KCTD16: variants seen among roughly 807,000 people sequenced by gnomAD.
KCTD16 encodes potassium channel tetramerization domain containing 16.
A neutral mutation model predicts 33.2 loss-of-function variants in KCTD16; 13 were observed. That is an observed-to-expected ratio of 0.39 (90% CI 0.25 to 0.62). KCTD16 has a LOEUF of 0.62. Among genes scored for constraint, KCTD16 ranks in the 20% least tolerant of loss-of-function variants. KCTD16 has a pLI of 0.50. For missense variants in KCTD16, 441 were observed against 525.1 expected (o/e 0.84, Z 1.57); for synonymous variants, 197 against 195.3 (o/e 1.01, Z -0.07).
chr5:144,354,089 G>A (rs1751513912), intron 3 of KCTD16, among the ~76,000 whole-genome samples: 1 of 152,024 alleles, frequency 6.6e-6, no homozygotes, highest in African/African-American at 2.4e-5. Flanking sequence ...ATTGAGAAAT[G>A]ATCTGCCTGC....
intron 3 of KCTD16, among the ~76,000 whole-genome samples, chr5:144,439,892 T>C (rs1753663364): frequency 6.6e-6 from 1 of 152,178 alleles, no homozygotes; most frequent in East Asian, 1.9e-4. Context: ...CTTTCCATAT[T>C]ATTCAAGAAG....
intron 1 of KCTD16, among the ~76,000 whole-genome samples, chr5:144,172,872 T>C (rs767453512): frequency 2.6e-5 from 4 of 152,234 alleles, no homozygotes; most frequent in Non-Finnish European, 5.9e-5. Flanking sequence ...AAAAAAATTC[T>C]AGTCTCTTTT....
At chr5:144,293,398 C>T (rs1438686570) in intron 3 of KCTD16, among the ~76,000 whole-genome samples, 1 of 152,130 alleles carries the variant, frequency 6.6e-6, no homozygotes, top group Non-Finnish European at 1.5e-5. Context: ...TTTAATGGTC[C>T]ATGTTCATTG....
At chr5:144,412,535 G>T (rs1280609259) in intron 3 of KCTD16, among the ~76,000 whole-genome samples, 1 of 152,124 alleles carries the variant, frequency 6.6e-6, no homozygotes, top group Non-Finnish European at 1.5e-5. Flanking sequence ...AGGGGGAGGG[G>T]ATATAAAGAG....
chr5:144,421,730 A>G (rs186104671), intron 3 of KCTD16, among the ~76,000 whole-genome samples: 4 of 152,264 alleles, frequency 2.6e-5, no homozygotes, highest in Admixed American at 2.0e-4. Flanking sequence ...CTTACCTAGC[A>G]TGGACATTGA....
chr5:144,380,165 CA>C (rs1032928384), intron 3 of KCTD16, among the ~76,000 whole-genome samples: 2 of 151,940 alleles, frequency 1.3e-5, no homozygotes, highest in African/African-American at 4.8e-5. Flanking sequence ...AATAAATATA[CA>C]AAAATCAGTT....
rs546289898 is a variant in KCTD16 at position 144,444,855 on chromosome 5, A to G, written c.833-28805A>G. Among the ~76,000 whole-genome samples the G allele has an allele frequency of 1.4e-3, 210 of 149,978 alleles. 1 individual carries two copies. Among genetic ancestry groups the G allele is most frequent in the African/African-American group, 3.6e-3 (147 of 41,066 alleles). On this transcript the variant is annotated intron_variant, in intron 3 of 3. Coordinates refer to ENST00000512467, the MANE Select transcript of KCTD16 (RefSeq NM_020768.4). ...TTCAAAATGTAATATATATATATAT[A>G]TGTGTGTGTGCATGTATATATAAAT... is the stretch of plus-strand genomic sequence containing the variant.
At chr5:144,281,006 C>T (rs957685196) in intron 3 of KCTD16, among the ~76,000 whole-genome samples, 3 of 135,198 alleles carry the variant, frequency 2.2e-5, no homozygotes, top group Non-Finnish European at 4.7e-5. Flanking sequence ...AGTGAAACCC[C>T]GTCTCTACTA....
At chr5:144,258,880 G>A (rs1008038162) in intron 3 of KCTD16, among the ~76,000 whole-genome samples, 3 of 152,062 alleles carry the variant, frequency 2.0e-5, no homozygotes, top group African/African-American at 7.2e-5. Flanking sequence ...AGTAAGTGGT[G>A]GAAGTGGACT....
At chr5:144,225,213 T>G (rs928134019) in intron 3 of KCTD16, among the ~76,000 whole-genome samples, 1 of 152,126 alleles carries the variant, frequency 6.6e-6, no homozygotes, top group Non-Finnish European at 1.5e-5. Context: ...TGGGAGAAGG[T>G]GCTTAACATG....
chr5:144,365,238 G>T (rs866773572), intron 3 of KCTD16, among the ~76,000 whole-genome samples: 1 of 152,018 alleles, frequency 6.6e-6, no homozygotes, highest in Non-Finnish European at 1.5e-5. Context: ...ATTCTGATTT[G>T]CCATAGCTAA....
chr5:144,265,230 A>G (rs781511708), intron 3 of KCTD16, among the ~76,000 whole-genome samples: 6 of 152,186 alleles, frequency 3.9e-5, no homozygotes, highest in African/African-American at 7.2e-5. Flanking sequence ...GGACATTAGC[A>G]TGGTTTAATA....
intron 3 of KCTD16, among the ~76,000 whole-genome samples, chr5:144,211,849 G>C (rs1753406090): frequency 1.3e-5 from 2 of 152,060 alleles, no homozygotes; most frequent in African/African-American, 4.8e-5. Context: ...ACTTCCTTCT[G>C]TTGTCTCACC....
At chr5:144,438,421 C>T (rs1459733883) in intron 3 of KCTD16, among the ~76,000 whole-genome samples, 2 of 152,224 alleles carry the variant, frequency 1.3e-5, no homozygotes, top group Non-Finnish European at 2.9e-5. Flanking sequence ...TATGAGCATA[C>T]GTGTTGACTC....
At chr5:144,325,270 C>G (rs1338966921) in intron 3 of KCTD16, among the ~76,000 whole-genome samples, 1 of 152,154 alleles carries the variant, frequency 6.6e-6, no homozygotes, top group African/African-American at 2.4e-5. Context: ...ACCCTTGTCT[C>G]TTATCAAGAT....
At position 144,268,278 on chromosome 5, in the gene KCTD16, C is replaced by A. The variant is rs1266765470; in HGVS notation, c.832+60732C>A. Among the ~76,000 whole-genome samples the A allele has an allele frequency of 4.6e-5, 7 of 152,132 alleles. No homozygotes were observed. In the East Asian group the frequency reaches 7.7e-4, roughly 17 times the overall value. The stretch of plus-strand genomic sequence containing the variant: ...TATGATTGCTGATTCCTGCTTCTGG[C>A]CACAGAGGTATAGGCAGCAATATTT... On this transcript the variant is annotated intron_variant, in intron 3 of 3. Transcript: ENST00000512467.
intron 3 of KCTD16, among the ~76,000 whole-genome samples, chr5:144,424,324 A>G (rs1753276042): frequency 6.6e-6 from 1 of 152,154 alleles, no homozygotes; most frequent in Non-Finnish European, 1.5e-5. Context: ...TACAATTGTC[A>G]ATTATCCCAG....
At chr5:144,323,897 G>C (rs1032538717) in intron 3 of KCTD16, among the ~76,000 whole-genome samples, 1 of 152,152 alleles carries the variant, frequency 6.6e-6, no homozygotes, top group Non-Finnish European at 1.5e-5. Flanking sequence ...AGATGTAGGA[G>C]CTGCTTCACT....
chr5:144,266,562 G>A (rs1055000561), intron 3 of KCTD16, among the ~76,000 whole-genome samples: 2 of 152,046 alleles, frequency 1.3e-5, no homozygotes, highest in African/African-American at 4.8e-5. Flanking sequence ...GAATCTAATG[G>A]GCTTATTTAA....
Sources: gnomAD v4.1 joint callset for allele counts (sites outside exome capture counted in the v4.1 genomes callset) on GRCh38, gnomAD v4.1.1 for gene constraint, MANE v1.5 for transcripts, NCBI Gene and HGNC (gene_info 2026-07-23, HGNC 2026-07-21) for gene names.